HECTD4: variants seen among roughly 807,000 people sequenced by gnomAD.
HECTD4 encodes the protein HECT domain E3 ubiquitin protein ligase 4.
HECTD4 carries 114 observed loss-of-function variants against 471.5 expected under a neutral mutation model. That is an observed-to-expected ratio of 0.24 (90% CI 0.21 to 0.28). The LOEUF is 0.28. Ranked by LOEUF, HECTD4 falls within the 10% of genes least tolerant of loss-of-function variation. HECTD4 has a pLI of 1.00. For missense variants in HECTD4, 3,866 were observed against 5,651.5 expected, an observed-to-expected ratio of 0.68 and a Z score of 10.13; for synonymous variants, 2,012 against 2,256.0, an observed-to-expected ratio of 0.89 and a Z score of 3.07.
chr12:112,290,752 G>T (rs2034860383), intron 7 of HECTD4, among the ~76,000 whole-genome samples: 1 of 151,066 alleles, frequency 6.6e-6, no homozygotes, highest in Non-Finnish European at 1.5e-5. Flanking sequence ...GGAGGCTGAG[G>T]CAGGGGAATC....
At chr12:112,259,045 G>T in intron 19 of HECTD4, 67 bp downstream of exon 19, 1 of 1,403,208 alleles carries the variant, frequency 7.1e-7, no homozygotes. Context: ...TTCAGTGAAA[G>T]CAAACAGCCA....
At chr12:112,303,715 G>A (rs1044603261) in intron 7 of HECTD4, among the ~76,000 whole-genome samples, 4 of 151,784 alleles carry the variant, frequency 2.6e-5, no homozygotes, top group African/African-American at 9.7e-5. Flanking sequence ...GCTGGGTGTG[G>A]TCATGCACGC....
intron 1 of HECTD4, among the ~76,000 whole-genome samples, chr12:112,365,427 A>G (rs550479058): frequency 6.6e-6 from 1 of 152,224 alleles, no homozygotes; most frequent in East Asian, 1.9e-4. Context: ...AAAATAAAAT[A>G]TTACCACTGA....
intron 7 of HECTD4, chr12:112,301,823 G>A (rs2035171583): frequency 3.5e-6 from 2 of 575,636 alleles, no homozygotes; most frequent in East Asian, 7.0e-5. Flanking sequence ...AGGAAAATTT[G>A]TATTATTTTC....
intron 44 of HECTD4, 61 bp from the exon 45 acceptor site, chr12:112,219,550 A>G: frequency 8.6e-7 from 1 of 1,160,000 alleles, no homozygotes; most frequent in Non-Finnish European, 1.3e-6. Context: ...GTGGGTGCTG[A>G]CTCTTTTGGA....
In HECTD4 at chr12:112,230,777, G is replaced by A. The variant is rs1042957742; in HGVS notation, c.6246C>T (p.Ser2082=). Residue 2082 remains serine (S), a synonymous_variant, in exon 40 of 76, where the codon AGC becomes AGT. Coordinates refer to ENST00000682272, the MANE Select transcript of HECTD4 (RefSeq NM_001388303.1). ...RPFISGHVAN[S]MAAEVIALLH... is the part of the protein sequence containing the mutation. Reference sequence around the variant, plus strand: ...GCAAGGCGATCACTTCTGCAGCCATGCTGTTTGCCACATGCCCACTGATGA... The same window carrying A: ...GCAAGGCGATCACTTCTGCAGCCATACTGTTTGCCACATGCCCACTGATGA... The A allele has an allele frequency of 6.2e-7, 1 of 1,611,036 alleles. No homozygotes were observed. Among genetic ancestry groups the A allele is most frequent in the Non-Finnish European group, 8.5e-7 (1 of 1,178,636 alleles).
At chr12:112,261,553 G>T in intron 17 of HECTD4, 124 bp from the exon 18 acceptor site, 1 of 977,306 alleles carries the variant, frequency 1.0e-6, no homozygotes, top group Non-Finnish European at 1.5e-6. Context: ...GACAGAATAA[G>T]CCCAAAGCAG....
At chr12:112,268,852 T>C (rs2034343811) in intron 13 of HECTD4, among the ~76,000 whole-genome samples, 1 of 146,780 alleles carries the variant, frequency 6.8e-6, no homozygotes, top group African/African-American at 2.5e-5. Flanking sequence ...TAAATTCTGC[T>C]CTCTTGTCTG....
intron 34 of HECTD4, 76 bp downstream of exon 34, chr12:112,238,976 T>C (rs2033579241): frequency 2.2e-6 from 3 of 1,376,600 alleles, no homozygotes; most frequent in Non-Finnish European, 3.0e-6. Flanking sequence ...CTCTTTCATT[T>C]AGCATAAAAA....
intron 18 of HECTD4, 45 bp downstream of exon 18, chr12:112,261,260 T>G (rs776025617): frequency 6.7e-7 from 1 of 1,493,986 alleles, no homozygotes. Flanking sequence ...AACAAACTTT[T>G]CTTCCCACAG....
In HECTD4 at chr12:112,219,408, G is replaced by A; in HGVS notation, c.7052C>T (p.Pro2351Leu). ...YRDCARPPPP[P>L]LQADRRQPKE... ...CACCTGTCTTCGGTCAGCCTGCAAAGGAGGTGGTGGGGGCCGAGCACAGTC... is the reference window on the plus strand; with the variant it reads ...CACCTGTCTTCGGTCAGCCTGCAAAAGAGGTGGTGGGGGCCGAGCACAGTC... Residue 2351 changes from proline (P) to leucine (L), a missense_variant, in exon 45 of 76, where the codon CCT (proline) becomes CTT (leucine). Physicochemically the swap from Pro to Leu is moderately conservative, Grantham distance 98. This residue lies in a region of HECTD4 where 617 missense variants were observed against 915.1 expected (regional missense o/e 0.67). Transcript: ENST00000682272. 1 of 1,613,690 alleles carries A rather than the reference G, an allele frequency of 6.2e-7. No homozygotes were observed. The highest frequency in any genetic ancestry group is 8.5e-7 in the Non-Finnish European group (1 of 1,179,718).
intron 1 of HECTD4, among the ~76,000 whole-genome samples, chr12:112,375,556 C>G (rs1435275896): frequency 1.3e-5 from 2 of 152,122 alleles, no homozygotes; most frequent in Non-Finnish European, 2.9e-5. Context: ...CTGCTTGTTC[C>G]CAACCGCAGT....
chr12:112,367,223 G>A (rs776532951), intron 1 of HECTD4, among the ~76,000 whole-genome samples: 7 of 150,180 alleles, frequency 4.7e-5, no homozygotes, highest in Non-Finnish European at 8.9e-5. Context: ...CACTTGAACC[G>A]GGGAGGTAGA....
intron 1 of HECTD4, chr12:112,321,644 T>G (rs1256151566): frequency 1.3e-5 from 2 of 152,186 alleles, no homozygotes; most frequent in Non-Finnish European, 2.9e-5. Context: ...AATTTTGCCT[T>G]TAGAAACTTG....
chr12:112,302,385 G>C, intron 7 of HECTD4: 1 of 754,232 alleles, frequency 1.3e-6, no homozygotes, highest in South Asian at 1.4e-5. Context: ...GCCAGCTTAA[G>C]CAGTTGAGTA....
rs995994303 is a variant in HECTD4 at position 112,160,778 on chromosome 12, A to C, written c.*1609T>G. On this transcript the variant is annotated 3_prime_UTR_variant, in exon 76 of 76. Coordinates refer to ENST00000682272, the MANE Select transcript of HECTD4 (RefSeq NM_001388303.1). ...GAATACATCCTGGCTGTGACCCCCC[A>C]CACTCAAAGGAGCTGTGGCCGCTGG... is the stretch of plus-strand genomic sequence containing the variant. 4 of 148,708 alleles carry C rather than the reference A, an allele frequency of 2.7e-5. No homozygotes were observed. Among genetic ancestry groups the C allele is most frequent in the African/African-American group, 9.7e-5 (4 of 41,426 alleles). 9.2% of individuals were successfully genotyped at this position (148,708 alleles called of 1,614,324 possible). A position where few individuals can be genotyped will look rare whatever the true frequency, so the allele number is the denominator to read the frequency against.
In HECTD4 at chr12:112,160,672, T is replaced by A. The variant is rs1180832772; in HGVS notation, c.*1715A>T. ...AAAGAGAACCAAGAATTTAAAGATGTAGGGAGGAAAAACCACTTCTAATAA... is the reference window on the plus strand; with the variant it reads ...AAAGAGAACCAAGAATTTAAAGATGAAGGGAGGAAAAACCACTTCTAATAA... On this transcript the variant is annotated 3_prime_UTR_variant, in exon 76 of 76. Coordinates refer to ENST00000682272, the MANE Select transcript of HECTD4 (RefSeq NM_001388303.1). 6.6e-6 allele frequency: 1 copy of A among 152,124 alleles called. No individual in the cohort carries two copies. The highest frequency in any genetic ancestry group is 6.5e-5 in the Admixed American group (1 of 15,276). 9.4% of individuals were successfully genotyped at this position (152,124 alleles called of 1,614,324 possible).
chr12:112,377,119 T>C (rs1056639289), intron 1 of HECTD4, among the ~76,000 whole-genome samples: 2 of 151,666 alleles, frequency 1.3e-5, no homozygotes, highest in African/African-American at 2.4e-5. Context: ...GTCTCGAACA[T>C]AAATAATTAA....
At chr12:112,361,204 A>G (rs1444775956) in intron 1 of HECTD4, among the ~76,000 whole-genome samples, 1 of 152,008 alleles carries the variant, frequency 6.6e-6, no homozygotes, top group African/African-American at 2.4e-5. Context: ...TCTCCCATCC[A>G]TATTTTCTTC....
Sources: allele counts gnomAD v4.1 joint callset (sites outside exome capture counted in the v4.1 genomes callset), GRCh38; gene constraint gnomAD v4.1.1; regional missense constraint gnomAD v4.1.1; transcripts MANE v1.5; gene names NCBI Gene and HGNC (gene_info 2026-07-23, HGNC 2026-07-21).